The following RBPJ variants were observed in gnomAD, a reference collection of about 807,000 sequenced individuals.
RBPJ encodes the protein recombination signal binding protein for immunoglobulin kappa J region, also known as recombining binding protein suppressor of hairless.
A neutral mutation model predicts 67.8 loss-of-function variants in RBPJ; 9 were observed. The ratio of observed to expected loss-of-function variants is 0.13; its 90% CI spans 0.08 to 0.23. The LOEUF (loss-of-function observed/expected upper bound fraction) is 0.23. Ranked by LOEUF, RBPJ falls within the 10% of genes least tolerant of loss-of-function variation. The pLI, the probability that RBPJ is intolerant of heterozygous loss-of-function variation, is 1.00. For synonymous variants in RBPJ, 198 were observed against 203.3 expected, an observed-to-expected ratio of 0.97 and a Z score of 0.22; for missense variants, 305 against 595.6, an observed-to-expected ratio of 0.51 and a Z score of 5.08.
chr4:26,226,514 G>A (rs1719080623), intron 1 of RBPJ, among the ~76,000 whole-genome samples: 1 of 152,082 alleles, frequency 6.6e-6, no homozygotes, highest in Admixed American at 6.6e-5. Flanking sequence ...GTGAAAATTG[G>A]GGATGGGGAA....
chr4:26,339,183 C>T (rs1162659057), intron 1 of RBPJ, among the ~76,000 whole-genome samples: 4 of 152,118 alleles, frequency 2.6e-5, no homozygotes, highest in African/African-American at 9.7e-5. Context: ...TAATCTGTTA[C>T]TTGAACGTGG....
intron 1 of RBPJ, among the ~76,000 whole-genome samples, chr4:26,275,263 T>C (rs1393156352): frequency 1.3e-5 from 2 of 152,306 alleles, no homozygotes; most frequent in African/African-American, 2.4e-5. Context: ...CCTGGTAATT[T>C]GACATCCTCA....
intron 1 of RBPJ, among the ~76,000 whole-genome samples, chr4:26,328,619 G>T (rs1723902210): frequency 6.6e-6 from 1 of 152,130 alleles, no homozygotes; most frequent in South Asian, 2.1e-4. Context: ...CTGATTATTT[G>T]GTTTTTTGGC....
At chr4:26,143,230 C>G in the RBPJ span, among the ~76,000 whole-genome samples, 2 of 152,236 alleles carry the variant, frequency 1.3e-5, no homozygotes, top group African/African-American at 4.8e-5. Context: ...ACCTTTGTCT[C>G]TCACCTGAGT....
chr4:26,373,915 C>CTT (rs765161799), intron 1 of RBPJ, among the ~76,000 whole-genome samples: 1,384 of 113,232 alleles, frequency 0.012, 41 homozygotes, highest in Non-Finnish European at 0.014. Context: ...TTATTTTTTA[C>CTT]TTTTTTTTTT....
intron 1 of RBPJ, among the ~76,000 whole-genome samples, chr4:26,358,824 G>T (rs1203300220): frequency 6.6e-6 from 1 of 151,840 alleles, no homozygotes; most frequent in Non-Finnish European, 1.5e-5. Flanking sequence ...CAGGTTTGAG[G>T]CAGTGGGTTC....
chr4:26,419,659 T>G (rs73121201), intron 4 of RBPJ, among the ~76,000 whole-genome samples: 4,437 of 152,286 alleles, frequency 0.029, 238 homozygotes, highest in African/African-American at 0.1. Context: ...TAGATACTTA[T>G]GCTGTGTTTC....
chr4:26,239,917 A>G (rs1027305633), intron 1 of RBPJ, among the ~76,000 whole-genome samples: 2 of 152,216 alleles, frequency 1.3e-5, no homozygotes, highest in African/African-American at 4.8e-5. Context: ...TGTAAAATGT[A>G]GTTTTCCACT....
the RBPJ span, among the ~76,000 whole-genome samples, chr4:26,146,121 A>AT: frequency 6.6e-6 from 1 of 152,068 alleles, no homozygotes; most frequent in Non-Finnish European, 1.5e-5. Context: ...ATTTAAAAAC[A>AT]TTTTTTGTAG....
chr4:26,311,157 A>G (rs1458723466), intron 1 of RBPJ, among the ~76,000 whole-genome samples: 3 of 152,196 alleles, frequency 2.0e-5, no homozygotes, highest in African/African-American at 7.2e-5. Context: ...ATTAGAAGCT[A>G]CAATCTCCAT....
chr4:26,343,807 A>G (rs1725830253), intron 1 of RBPJ, among the ~76,000 whole-genome samples: 1 of 135,220 alleles, frequency 7.4e-6, no homozygotes, highest in South Asian at 2.3e-4. Flanking sequence ...CTGGAGTGCA[A>G]TAGTGTGGTC....
intron 1 of RBPJ, among the ~76,000 whole-genome samples, chr4:26,341,916 G>C (rs1725580316): frequency 6.6e-6 from 1 of 152,200 alleles, no homozygotes; most frequent in Non-Finnish European, 1.5e-5. Flanking sequence ...AGAGAAGAAA[G>C]TGTAGCTGGC....
At chr4:26,153,704 C>T in the RBPJ span, among the ~76,000 whole-genome samples, 3 of 152,152 alleles carry the variant, frequency 2.0e-5, no homozygotes, top group Admixed American at 6.5e-5. Flanking sequence ...TTCAACAAAC[C>T]CATCATACAT....
intron 1 of RBPJ, among the ~76,000 whole-genome samples, chr4:26,385,015 C>T (rs1324414801): frequency 1.6e-5 from 2 of 124,112 alleles, no homozygotes; most frequent in Non-Finnish European, 3.4e-5. Context: ...TCCCCCCTTT[C>T]CTTTCCTCTC....
Position 26,430,737 on chromosome 4 carries a change from C to T in RBPJ, c.1194C>T (p.Phe398=), listed in dbSNP as rs1736130858. Residue 398 remains phenylalanine, a synonymous_variant, in exon 11 of 11, where the codon TTC becomes TTT. Transcript: ENST00000355476. This position sits in a 1 kb window ranked among gnomAD's most constrained non-coding sequence, Gnocchi z 4.1. The part of the protein sequence containing the change: ...MLCVVPDISA[F]REGWRWVRQP... Reference sequence around the variant, plus strand: ...GTGTCGTCCCAGACATTTCTGCATTCCGAGAAGGTTGGAGATGGGTCCGGC... The same window carrying T: ...GTGTCGTCCCAGACATTTCTGCATTTCGAGAAGGTTGGAGATGGGTCCGGC... 3.1e-6 allele frequency: 5 copies of T among 1,614,100 alleles called. No homozygotes were observed. The South Asian group carries it at 4.4e-5, about 14-fold the overall frequency.
At chr4:26,159,015 G>A (rs767734925), upstream of RBPJ, among the ~76,000 whole-genome samples, 2 of 148,526 alleles carry the variant, frequency 1.3e-5, no homozygotes, top group Non-Finnish European at 3.0e-5. Context: ...CAGATACTAT[G>A]AGGAATAGTC....
chr4:26,309,900 A>G (rs1386852629), intron 1 of RBPJ, among the ~76,000 whole-genome samples: 1 of 152,224 alleles, frequency 6.6e-6, no homozygotes, highest in Non-Finnish European at 1.5e-5. Flanking sequence ...TACATTAGCT[A>G]CAAAAACTTC....
At chr4:26,317,219 A>G (rs1388788520), upstream of RBPJ, among the ~76,000 whole-genome samples, 1 of 151,870 alleles carries the variant, frequency 6.6e-6, no homozygotes, top group Non-Finnish European at 1.5e-5. Context: ...GATAAGGAGT[A>G]TGGGAGTCCC....
intron 1 of RBPJ, among the ~76,000 whole-genome samples, chr4:26,253,779 T>A (rs1720199168): frequency 2.0e-5 from 3 of 148,960 alleles, no homozygotes; most frequent in South Asian, 2.1e-4. Flanking sequence ...GATCATAAAC[T>A]GGAAACTTGT....
Sources: allele counts gnomAD v4.1 joint callset (sites outside exome capture counted in the v4.1 genomes callset), GRCh38; gene constraint gnomAD v4.1.1; non-coding constraint Gnocchi (gnomAD v3.1); transcripts MANE v1.5; gene names NCBI Gene and HGNC (gene_info 2026-07-23, HGNC 2026-07-21).